The following ATXN1L variants were observed in gnomAD, a reference collection of about 807,000 sequenced individuals.
The protein encoded by ATXN1L is ataxin-1-like.
In ATXN1L, 8 loss-of-function variants were observed where a neutral mutation model predicts 43.4. That is an observed-to-expected ratio of 0.18 (90% CI 0.11 to 0.33). The LOEUF (loss-of-function observed/expected upper bound fraction) is 0.33. Among genes scored for constraint, ATXN1L ranks in the 10% least tolerant of loss-of-function variants. The pLI, the probability that ATXN1L is intolerant of heterozygous loss-of-function variation, is 1.00. For synonymous variants in ATXN1L, 379 were observed against 360.6 expected (o/e 1.05, Z -0.58); for missense variants, 856 against 885.4 (o/e 0.97, Z 0.42).
chr16:71,850,678 C>T lies in ATXN1L; in HGVS notation c.938C>T (p.Ser313Leu). ...VECVVDGQLF[S>L]GSQTPRVEVA... Reference sequence around the variant, plus strand: ...TGTGTGGTGGATGGACAGTTGTTTTCAGGTTCTCAGACTCCACGGGTAGAG... The same window carrying T: ...TGTGTGGTGGATGGACAGTTGTTTTTAGGTTCTCAGACTCCACGGGTAGAG... Residue 313 changes from serine (S) to leucine (L), a missense_variant, in exon 3 of 3, where the codon TCA becomes TTA. By Grantham distance (145) the Ser-to-Leu change is moderately radical. This residue lies in a region of ATXN1L where 490 missense variants were observed against 449.4 expected (regional missense o/e 1.09). Coordinates refer to ENST00000427980, the MANE Select transcript of ATXN1L (RefSeq NM_001137675.4). 1.9e-6 allele frequency: 3 copies of T among 1,551,700 alleles called. No individual in the cohort carries two copies. The highest frequency in any genetic ancestry group is 1.2e-5 in the South Asian group (1 of 84,062).
In ATXN1L at chr16:71,849,930, G is replaced by C. The variant is rs1293185536; in HGVS notation, c.190G>C (p.Gly64Arg). The stretch of plus-strand genomic sequence containing the variant: ...CCAGGCAGGAGCCAGAGTCAGCCTG[G>C]GGGGTGATGGAGCTGAGGCCATCAC... ...QSQAGARVSL[G>R]GDGAEAITGL... The change falls in exon 3 of 3, where the codon GGG becomes CGG. Residue 64 changes from glycine to arginine, a missense_variant. Transcript: ENST00000427980. 4 of 1,551,198 alleles carry C rather than the reference G, an allele frequency of 2.6e-6. No individual in the cohort carries two copies. The highest frequency in any genetic ancestry group is 8.7e-7 in the Non-Finnish European group (1 of 1,146,628).
rs2033552615 is a variant in ATXN1L, at chr16:71,856,468, A to G, written c.*4658A>G. On this transcript the variant is annotated 3_prime_UTR_variant, in exon 3 of 3. Transcript: ENST00000427980. ...GAGAAAGAGTGTGAGCTGATGACAC[A>G]GTGGTTTTACACCCACCCCCTGGGC... 6.0e-6 allele frequency: 1 copy of G among 166,908 alleles called. No homozygotes were observed. Among genetic ancestry groups the G allele is most frequent in the African/African-American group, 2.4e-5 (1 of 41,348 alleles). 10.3% of individuals were successfully genotyped at this position (166,908 alleles called of 1,614,324 possible).
At position 71,850,399 on chromosome 16, in the gene ATXN1L, T is replaced by C. The variant is rs1247439228; in HGVS notation, c.659T>C (p.Leu220Pro). ...QLPHHSSTQP[L>P]DLAPGRMPIY... ...CCACATCATTCAAGTACTCAGCCGC[T>C]GGACCTTGCTCCAGGTCGGATGCCC... Residue 220 changes from leucine (L) to proline (P), a missense_variant, in exon 3 of 3, where the codon CTG becomes CCG. Leu to Pro is a moderately conservative substitution (Grantham distance 98). Coordinates refer to ENST00000427980, the MANE Select transcript of ATXN1L (RefSeq NM_001137675.4). 6 of 1,551,712 alleles carry C rather than the reference T, an allele frequency of 3.9e-6. No homozygotes were observed. Among genetic ancestry groups the C allele is most frequent in the Non-Finnish European group, 5.2e-6 (6 of 1,147,004 alleles).
In ATXN1L at chr16:71,851,251, A is replaced by C. The variant is rs1567390101; in HGVS notation, c.1511A>C (p.Lys504Thr). ...AGTGCCGAAGTGAGCGGGGGGCTGA[A>C]GATTGACTCTAGCACGGTCGTGGAC... ...VRSAEVSGGL[K>T]IDSSTVVDIQ... is the part of the protein sequence containing the mutation. The change falls in exon 3 of 3, where the codon AAG becomes ACG. Residue 504 changes from lysine (K) to threonine (T), a missense_variant. By Grantham distance (78) the Lys-to-Thr change is moderately conservative (BLOSUM62 -1). Around this residue, in one of 7 missense-constraint regions of ATXN1L, gnomAD observed 54 missense variants for 56.6 expected, o/e 0.95. Coordinates refer to ENST00000427980, the MANE Select transcript of ATXN1L (RefSeq NM_001137675.4). This position sits in a 1 kb window ranked among gnomAD's most constrained non-coding sequence, Gnocchi z 4.9. 1 of 1,551,632 alleles carries C rather than the reference A, an allele frequency of 6.4e-7. No homozygotes were observed. Among genetic ancestry groups the C allele is most frequent in the East Asian group, 2.4e-5 (1 of 40,912 alleles).
In ATXN1L at chr16:71,849,612, G is replaced by A; in HGVS notation, c.-117-12G>A. 1 of 1,009,084 alleles carries A rather than the reference G, an allele frequency of 9.9e-7. No individual in the cohort carries two copies. Among genetic ancestry groups the A allele is most frequent in the South Asian group, 2.2e-5 (1 of 45,706 alleles). 62.5% of individuals were successfully genotyped at this position (1,009,084 alleles called of 1,614,324 possible). A position where few individuals can be genotyped will look rare whatever the true frequency, so the allele number is the denominator to read the frequency against. Reference sequence around the variant, plus strand: ...GGTTACTTTTCTTTGCCTCTGATTTGTTCCCTAATAGATGTGGGCGCCCCA... The same window carrying A: ...GGTTACTTTTCTTTGCCTCTGATTTATTCCCTAATAGATGTGGGCGCCCCA... On this transcript the variant is annotated splice_polypyrimidine_tract_variant and intron_variant, in intron 2 of 2. Coordinates refer to ENST00000427980, the MANE Select transcript of ATXN1L (RefSeq NM_001137675.4).
At position 71,851,891 on chromosome 16, in the gene ATXN1L, C is replaced by T; in HGVS notation, c.*81C>T. The T allele has an allele frequency of 1.5e-6, 2 of 1,336,352 alleles. No homozygotes were observed. Among genetic ancestry groups the T allele is most frequent in the Non-Finnish European group, 1.9e-6 (2 of 1,028,962 alleles). 82.8% of individuals were successfully genotyped at this position (1,336,352 alleles called of 1,614,324 possible). A position where few individuals can be genotyped will look rare whatever the true frequency, so the allele number is the denominator to read the frequency against. ...TGAGCAGGCAGAGGATTTGCACACG[C>T]CGAGCAGGGAATGGCTTTCTTGGCA... On this transcript the variant is annotated 3_prime_UTR_variant, in exon 3 of 3. Transcript: ENST00000427980. The surrounding 1 kb of genome is among the most constrained non-coding windows in gnomAD (Gnocchi z 4.9).
At position 71,846,040 on chromosome 16, in the gene ATXN1L, C is replaced by T. The variant is rs2033437988; in HGVS notation, c.-244C>T. The T allele has an allele frequency of 5.3e-6, 1 of 188,296 alleles. No homozygotes were observed. Among genetic ancestry groups the T allele is most frequent in the Non-Finnish European group, 1.1e-5 (1 of 88,912 alleles). The allele number at this position is 188,296 out of a possible 1,614,324, so 11.7% of individuals were successfully genotyped here. On this transcript the variant is annotated 5_prime_UTR_variant, in exon 1 of 3. Transcript: ENST00000427980. ...GCGGCTCCGGGGCCGGGGATGGCGGCGGCCGCGGTTGCGGCGGCTCCGGGA... is the reference window on the plus strand; with the variant it reads ...GCGGCTCCGGGGCCGGGGATGGCGGTGGCCGCGGTTGCGGCGGCTCCGGGA...
In ATXN1L at chr16:71,846,266, T is replaced by A. The variant is rs556001753; in HGVS notation, c.-180+162T>A. Among the ~76,000 whole-genome samples the A allele has an allele frequency of 7.8e-3, 1,186 of 152,202 alleles. 7 individuals are homozygous for A. The highest frequency in any genetic ancestry group is 0.012 in the Non-Finnish European group (798 of 67,970). On this transcript the variant is annotated intron_variant, in intron 1 of 2. Coordinates refer to ENST00000427980, the MANE Select transcript of ATXN1L (RefSeq NM_001137675.4). ...GCACCTAGACCCCCTCGCGCTTCTC[T>A]CTGGCCTGTCCTGGAAGGTGGCCTC...
chr16:71,851,553 C>G lies in ATXN1L; in HGVS notation c.1813C>G (p.Arg605Gly). The G allele has an allele frequency of 6.4e-7, 1 of 1,551,554 alleles. No homozygotes were observed. The highest frequency in any genetic ancestry group is 8.7e-7 in the Non-Finnish European group (1 of 1,146,946). The change falls in exon 3 of 3, where the codon CGA (arginine) becomes GGA (glycine). Residue 605 changes from arginine to glycine, a missense_variant. By Grantham distance (125) the Arg-to-Gly change is moderately radical. Coordinates refer to ENST00000427980, the MANE Select transcript of ATXN1L (RefSeq NM_001137675.4). The surrounding 1 kb of genome is among the most constrained non-coding windows in gnomAD (Gnocchi z 4.9). ...TCCCCCAAGCCAGCTGGGTCCCCCCCGAGAAAGGCCTGAGAGGACGGTCTT... is the reference window on the plus strand; with the variant it reads ...TCCCCCAAGCCAGCTGGGTCCCCCCGGAGAAAGGCCTGAGAGGACGGTCTT... ...CAPPSQLGPPRERPERTVLGS... is the reference protein window; with the variant it reads ...CAPPSQLGPPGERPERTVLGS...
rs528380363 is a variant in ATXN1L, at chr16:71,857,282, AATATCTAT to A, written c.*5489_*5496del. ...GGACTATGTAAACACAATATCTATC[AATATCTAT>A]ATATCTATATATCTATCTATATAAA... is the stretch of plus-strand genomic sequence containing the variant. On this transcript the variant is annotated 3_prime_UTR_variant, in exon 3 of 3. Coordinates refer to ENST00000427980, the MANE Select transcript of ATXN1L (RefSeq NM_001137675.4). 14 of 160,858 alleles carry A rather than the reference AATATCTAT, an allele frequency of 8.7e-5. No homozygotes were observed. Among genetic ancestry groups the A allele is most frequent in the African/African-American group, 1.7e-4 (7 of 41,580 alleles). 10.0% of individuals were successfully genotyped at this position (160,858 alleles called of 1,614,324 possible).
chr16:71,848,185 C>T, intron 2 of ATXN1L, 114 bp downstream of exon 2: 1 of 407,882 alleles, frequency 2.5e-6, no homozygotes, highest in Non-Finnish European at 4.9e-6. Flanking sequence ...GAACTGGAAC[C>T]TGGTTGGAAG....
At position 71,851,864 on chromosome 16, in the gene ATXN1L, C is replaced by G. The variant is rs1028568418; in HGVS notation, c.*54C>G. Reference sequence around the variant, plus strand: ...TTACCCCAGAGCCTCGCCTCGCCGCCGTGAGCAGGCAGAGGATTTGCACAC... The same window carrying G: ...TTACCCCAGAGCCTCGCCTCGCCGCGGTGAGCAGGCAGAGGATTTGCACAC... On this transcript the variant is annotated 3_prime_UTR_variant, in exon 3 of 3. Coordinates refer to ENST00000427980, the MANE Select transcript of ATXN1L (RefSeq NM_001137675.4). This position sits in a 1 kb window ranked among gnomAD's most constrained non-coding sequence, Gnocchi z 4.9. 7.3e-7 allele frequency: 1 copy of G among 1,376,658 alleles called. No individual in the cohort carries two copies. Among genetic ancestry groups the G allele is most frequent in the Middle Eastern group, 1.9e-4 (1 of 5,324 alleles). The allele number at this position is 1,376,658 out of a possible 1,614,324, so 85.3% of individuals were successfully genotyped here.
At chr16:71,848,832 T>C (rs748369151) in intron 2 of ATXN1L, among the ~76,000 whole-genome samples, 4 of 152,018 alleles carry the variant, frequency 2.6e-5, no homozygotes, top group Non-Finnish European at 4.4e-5. Context: ...CAAATTAGGC[T>C]ACAGAAAGGA....
In ATXN1L at chr16:71,850,727, G is replaced by T. The variant is rs923560692; in HGVS notation, c.987G>T (p.Gly329=). 1.9e-6 allele frequency: 3 copies of T among 1,551,564 alleles called. No homozygotes were observed. Among genetic ancestry groups the T allele is most frequent in the South Asian group, 1.2e-5 (1 of 84,066 alleles). ...RVEVAAPAHR[G]TPDTDLEVQR... Reference sequence around the variant, plus strand: ...AGGTAGCAGCACCAGCACACCGGGGGACCCCGGACACTGACCTTGAGGTCC... The same window carrying T: ...AGGTAGCAGCACCAGCACACCGGGGTACCCCGGACACTGACCTTGAGGTCC... Residue 329 remains glycine (G), a synonymous_variant, in exon 3 of 3, where the codon GGG becomes GGT. Transcript: ENST00000427980.
At chr16:71,846,424 C>T (rs2033443870) in intron 1 of ATXN1L, among the ~76,000 whole-genome samples, 1 of 152,210 alleles carries the variant, frequency 6.6e-6, no homozygotes, top group South Asian at 2.1e-4. Context: ...GGTGGACCCC[C>T]TACTCTCTAA....
intron 1 of ATXN1L, among the ~76,000 whole-genome samples, chr16:71,847,409 T>G (rs954043567): frequency 1.3e-5 from 2 of 152,058 alleles, no homozygotes; most frequent in East Asian, 3.9e-4. Flanking sequence ...CTCAGAAAAT[T>G]TTACATACAC....
In ATXN1L at chr16:71,851,141, C is replaced by T. The variant is rs2033497968; in HGVS notation, c.1401C>T (p.Ser467=). The T allele has an allele frequency of 6.4e-7, 1 of 1,551,558 alleles. No homozygotes were observed. Among genetic ancestry groups the T allele is most frequent in the South Asian group, 1.2e-5 (1 of 84,064 alleles). ...PPPITSSHLP[S]HFMKGAIIQL... is the part of the protein sequence containing the mutation. ...CCATTACCTCCTCTCACTTGCCTTC[C>T]CATTTCATGAAAGGCGCCATCATCC... Residue 467 remains serine, a synonymous_variant, in exon 3 of 3, where the codon TCC becomes TCT. Transcript: ENST00000427980. This position sits in a 1 kb window ranked among gnomAD's most constrained non-coding sequence, Gnocchi z 4.9.
rs1205896045 is a variant in ATXN1L, at chr16:71,848,025, G to A, written c.-164G>A. The A allele has an allele frequency of 1.5e-5, 7 of 455,920 alleles. No individual in the cohort carries two copies. Among genetic ancestry groups the A allele is most frequent in the South Asian group, 7.7e-5 (5 of 64,548 alleles). 28.2% of individuals were successfully genotyped at this position (455,920 alleles called of 1,614,324 possible). On this transcript the variant is annotated 5_prime_UTR_variant, in exon 2 of 3. Transcript: ENST00000427980. ...TATCTTCTAGGCTCCCGAGCCAGCC[G>A]GGAGGACACTTACTACAGCTGCTCA...
chr16:71,848,119 G>A, intron 2 of ATXN1L, 48 bp downstream of exon 2: 1 of 454,142 alleles, frequency 2.2e-6, no homozygotes, highest in Admixed American at 2.4e-5. Context: ...TATCTGGGAT[G>A]TCACAGTGGA....
Sources: gnomAD v4.1 joint callset for allele counts (sites outside exome capture counted in the v4.1 genomes callset) on GRCh38, gnomAD v4.1.1 for gene constraint, gnomAD v4.1.1 regional missense constraint, Gnocchi (gnomAD v3.1) non-coding constraint, MANE v1.5 for transcripts, NCBI Gene and HGNC (gene_info 2026-07-23, HGNC 2026-07-21) for gene names.